MEIOB: variants seen among roughly 807,000 people sequenced by gnomAD.
MEIOB encodes the protein meiosis-specific with OB domain-containing protein.
MEIOB carries 50 observed loss-of-function variants against 53.1 expected under a neutral mutation model. The observed-to-expected ratio is 0.94, with a 90% CI of 0.75 to 1.19. The LOEUF is 1.19. Among genes scored for constraint, MEIOB ranks in the 50% most tolerant of loss-of-function variants. The pLI is 0.00. For synonymous variants in MEIOB, 192 were observed against 182.5 expected (o/e 1.05, Z -0.42); for missense variants, 551 against 550.8 (o/e 1.00, Z 0.00).
intron 9 of MEIOB, among the ~76,000 whole-genome samples, 177 bp downstream of exon 9, chr16:1,852,862 T>G (rs1899206507): frequency 6.6e-6 from 1 of 152,212 alleles, no homozygotes; most frequent in African/African-American, 2.4e-5. Context: ...GACCTCACAT[T>G]TCTTTAGTAA....
At chr16:1,856,966 G>C (rs547530750) in intron 6 of MEIOB, among the ~76,000 whole-genome samples, 1 of 46,738 alleles carries the variant, frequency 2.1e-5, no homozygotes, top group South Asian at 6.4e-4. Context: ...GTTTCACCAT[G>C]TTGCCCCAGG....
intron 13 of MEIOB, among the ~76,000 whole-genome samples, chr16:1,836,908 A>G (rs1282093078): frequency 6.6e-6 from 1 of 152,196 alleles, no homozygotes; most frequent in Non-Finnish European, 1.5e-5. Flanking sequence ...AGATATAACC[A>G]CACAAACGGG....
At chr16:1,853,725 G>A (rs1899227510) in intron 7 of MEIOB, among the ~76,000 whole-genome samples, 1 of 152,162 alleles carries the variant, frequency 6.6e-6, no homozygotes, top group Admixed American at 6.6e-5. Flanking sequence ...CAGTGCTTCA[G>A]GGTGCAGTCC....
chr16:1,842,735 C>T (rs542470781), intron 10 of MEIOB, among the ~76,000 whole-genome samples: 21 of 151,004 alleles, frequency 1.4e-4, no homozygotes, highest in Middle Eastern at 3.4e-3. Context: ...GCGATCTCGG[C>T]TCACTGCAAG....
At position 1,839,394 on chromosome 16, in the gene MEIOB, G is replaced by A. The variant is rs1898838122; in HGVS notation, c.1079C>T (p.Thr360Ile). The A allele has an allele frequency of 1.2e-6, 2 of 1,613,926 alleles. No individual in the cohort carries two copies. Among genetic ancestry groups the A allele is most frequent in the Non-Finnish European group, 1.7e-6 (2 of 1,179,972 alleles). ...GTCCAAGGAGTTTTTGTTGCAAGTTGTGCACATGTTAGATGCTTCATTTAC... is the reference window on the plus strand; with the variant it reads ...GTCCAAGGAGTTTTTGTTGCAAGTTATGCACATGTTAGATGCTTCATTTAC... Reference protein sequence around the residue: ...YIVNEASNMCTTCNKNSLDFK... With the variant: ...YIVNEASNMCITCNKNSLDFK... Residue 360 changes from threonine (T) to isoleucine (I), a missense_variant, in exon 12 of 14, where the codon ACA becomes ATA. Transcript: ENST00000325962.
At chr16:1,854,581 G>C (rs1481018704) in intron 6 of MEIOB, among the ~76,000 whole-genome samples, 1 of 152,194 alleles carries the variant, frequency 6.6e-6, no homozygotes, top group East Asian at 1.9e-4. Flanking sequence ...TCATGTGACT[G>C]AATGAACTCA....
chr16:1,866,645 C>G (rs1005511955), intron 2 of MEIOB, among the ~76,000 whole-genome samples: 6 of 152,032 alleles, frequency 3.9e-5, no homozygotes, highest in Non-Finnish European at 7.4e-5. Flanking sequence ...TCGCTTGAAC[C>G]CAGAGGCACA....
chr16:1,863,976 G>A (rs992270907), intron 3 of MEIOB, among the ~76,000 whole-genome samples: 21 of 152,030 alleles, frequency 1.4e-4, no homozygotes, highest in African/African-American at 4.6e-4. Context: ...GCAACAAAGT[G>A]AGACCCTCTG....
At chr16:1,857,692 C>T (rs1301078673) in intron 6 of MEIOB, 43 bp downstream of exon 6, 2 of 1,483,604 alleles carry the variant, frequency 1.3e-6, no homozygotes, top group Admixed American at 2.0e-5. Context: ...GACTGCACCT[C>T]CCCTGCCAGA....
At chr16:1,849,884 T>C (rs1275860881) in intron 9 of MEIOB, among the ~76,000 whole-genome samples, 1 of 152,240 alleles carries the variant, frequency 6.6e-6, no homozygotes, top group Non-Finnish European at 1.5e-5. Flanking sequence ...GTATGTGAAG[T>C]AGCACATATG....
chr16:1,848,253 C>T (rs993258432), intron 9 of MEIOB, among the ~76,000 whole-genome samples: 1 of 152,170 alleles, frequency 6.6e-6, no homozygotes, highest in African/African-American at 2.4e-5. Context: ...TAAATATCCT[C>T]CACAAAAGCA....
chr16:1,836,146 T>A (rs1008736215), intron 13 of MEIOB, among the ~76,000 whole-genome samples: 5 of 150,336 alleles, frequency 3.3e-5, no homozygotes, highest in Non-Finnish European at 5.9e-5. Context: ...AATTAATGAG[T>A]TAAATCTTCA....
chr16:1,835,154 T>C (rs991305090), intron 13 of MEIOB, among the ~76,000 whole-genome samples: 1 of 151,796 alleles, frequency 6.6e-6, no homozygotes, highest in Admixed American at 6.6e-5. Flanking sequence ...ACTCGGTGGC[T>C]GAGGCGGGAG....
chr16:1,854,211 G>A lies in MEIOB; in HGVS notation c.529-11C>T. On this transcript the variant is annotated splice_polypyrimidine_tract_variant and intron_variant, in intron 6 of 13. Transcript: ENST00000325962. Reference sequence around the variant, plus strand: ...TTTTGGCTCTCCAACCTTAGAAATGGAAATAAATCATTACTCTTCACCTAT... The same window carrying A: ...TTTTGGCTCTCCAACCTTAGAAATGAAAATAAATCATTACTCTTCACCTAT... 6.8e-7 allele frequency: 1 copy of A among 1,463,502 alleles called. No homozygotes were observed. The highest frequency in any genetic ancestry group is 1.4e-5 in the African/African-American group (1 of 71,236). The allele number at this position is 1,463,502 out of a possible 1,614,324, so 90.7% of individuals were successfully genotyped here. A position where few individuals can be genotyped will look rare whatever the true frequency, so the allele number is the denominator to read the frequency against.
intron 8 of MEIOB, 25 bp downstream of exon 8, chr16:1,853,194 G>A (rs1899214199): frequency 6.4e-7 from 1 of 1,559,232 alleles, no homozygotes; most frequent in Non-Finnish European, 8.7e-7. Flanking sequence ...GACAAATATT[G>A]GACACAATCA....
intron 9 of MEIOB, among the ~76,000 whole-genome samples, chr16:1,849,334 C>T (rs888994537): frequency 6.6e-5 from 10 of 151,762 alleles, no homozygotes; most frequent in South Asian, 6.2e-4. Context: ...AGGCAGATCA[C>T]GAGATCAAGA....
intron 10 of MEIOB, among the ~76,000 whole-genome samples, chr16:1,844,263 C>A (rs1157735731): frequency 1.3e-5 from 2 of 151,446 alleles, no homozygotes; most frequent in African/African-American, 2.4e-5. Flanking sequence ...TCTGGGATTA[C>A]AGGTGCCCCC....
chr16:1,838,176 G>A (rs67309640), intron 12 of MEIOB: 3 of 483,732 alleles, frequency 6.2e-6, no homozygotes, highest in African/African-American at 5.9e-5. Context: ...TATGTTTTAT[G>A]TTTTGTAGAG....
In MEIOB at chr16:1,849,439, G is replaced by C. The variant is rs561742457; in HGVS notation, c.778+3600C>G. Among the ~76,000 whole-genome samples, 130 of 150,792 alleles carry C rather than the reference G, an allele frequency of 8.6e-4. 1 individual carries two copies. The highest frequency in any genetic ancestry group is 2.9e-3 in the African/African-American group (119 of 41,048). ...CGGGCACCTGTCGTCCCAGCTACTC[G>C]GGAGGCTGAGGCAGGAGAATGCTGT... On this transcript the variant is annotated intron_variant, in intron 9 of 13. Transcript: ENST00000325962.
Sources: gnomAD v4.1 joint callset for allele counts (sites outside exome capture counted in the v4.1 genomes callset) on GRCh38, gnomAD v4.1.1 for gene constraint, MANE v1.5 for transcripts, NCBI Gene and HGNC (gene_info 2026-07-23, HGNC 2026-07-21) for gene names.